Variants in KIAA1671 observed in about 807,000 individuals in gnomAD.
KIAA1671 encodes uncharacterized protein KIAA1671.
KIAA1671 carries 52 observed loss-of-function variants against 131.2 expected under a neutral mutation model. The observed-to-expected ratio is 0.40, with a 90% CI of 0.32 to 0.50. The LOEUF (loss-of-function observed/expected upper bound fraction) is 0.50. KIAA1671 is among the 20% of genes least tolerant of loss of function. KIAA1671 has a pLI of 0.73. For missense variants in KIAA1671, 2,360 were observed against 2,364.2 expected (o/e 1.00, Z 0.04); for synonymous variants, 1,003 against 961.6 (o/e 1.04, Z -0.80).
At chr22:25,137,618 G>C (rs777097820) in intron 6 of KIAA1671, among the ~76,000 whole-genome samples, 2 of 152,236 alleles carry the variant, frequency 1.3e-5, no homozygotes, top group Non-Finnish European at 2.9e-5. Context: ...CCGATTGTTA[G>C]GTAAACTGGA....
chr22:25,188,447 G>GGTGTGTGTGTGTGTGTGTGTGT (rs59590267), intron 11 of KIAA1671, among the ~76,000 whole-genome samples: 1 of 137,890 alleles, frequency 7.3e-6, no homozygotes, highest in African/African-American at 2.7e-5. Flanking sequence ...GAGCCAATCG[G>GGTGTGTGTGTGTGTGTGTGTGT]GTGTGTGTGT....
intron 1 of KIAA1671, among the ~76,000 whole-genome samples, chr22:24,977,483 G>C (rs1054649857): frequency 1.3e-5 from 2 of 152,288 alleles, no homozygotes; most frequent in East Asian, 3.9e-4. Flanking sequence ...GCCAGGTCTG[G>C]CCTCATAGAG....
intron 6 of KIAA1671, among the ~76,000 whole-genome samples, chr22:25,107,776 C>T (rs1050152770): frequency 2.0e-5 from 3 of 151,804 alleles, no homozygotes; most frequent in Non-Finnish European, 4.4e-5. Context: ...TTTGGGAGGC[C>T]GAGGTGGGCG....
chr22:25,074,710 CATCT>C (rs997361614), intron 6 of KIAA1671, among the ~76,000 whole-genome samples: 1 of 151,976 alleles, frequency 6.6e-6, no homozygotes, highest in African/African-American at 2.4e-5. Context: ...GTATATTTAT[CATCT>C]ATCTGTCTGT....
intron 6 of KIAA1671, chr22:25,055,592 G>A (rs1363612235): frequency 6.7e-6 from 1 of 149,652 alleles, no homozygotes; most frequent in Non-Finnish European, 1.5e-5. Context: ...TTAAAAATTA[G>A]CCATGGTAGC....
chr22:25,073,600 A>G (rs1434313590), intron 6 of KIAA1671, among the ~76,000 whole-genome samples: 2 of 152,228 alleles, frequency 1.3e-5, no homozygotes, highest in Non-Finnish European at 2.9e-5. Flanking sequence ...AACTATAGTC[A>G]CTATGCTTCA....
In KIAA1671 at chr22:24,984,124, A is replaced by ATGTGGTTG. The variant is rs762535812; in HGVS notation, c.-208+31352_-208+31353insTGTGGTTG. Among the ~76,000 whole-genome samples the ATGTGGTTG allele has an allele frequency of 2.8e-3, 428 of 152,220 alleles. 1 individual carries two copies. The highest frequency in any genetic ancestry group is 4.8e-3 in the Non-Finnish European group (326 of 68,020). ...ATGCCTCTCAGGGGCTTAAGCAGGG[A>ATGTGGTTG]CATTATGTGGTTGCATTCCCTTTTG... On this transcript the variant is annotated intron_variant, in intron 1 of 12. Coordinates refer to ENST00000358431, the MANE Select transcript of KIAA1671 (RefSeq NM_001145206.2).
At chr22:24,991,626 T>TA (rs1158041973) in intron 1 of KIAA1671, among the ~76,000 whole-genome samples, 1 of 148,622 alleles carries the variant, frequency 6.7e-6, no homozygotes, top group East Asian at 2.0e-4. Flanking sequence ...CCGGCTAATT[T>TA]TTTTTTTTTT....
At chr22:25,113,422 A>C (rs1931485027) in intron 6 of KIAA1671, among the ~76,000 whole-genome samples, 1 of 152,200 alleles carries the variant, frequency 6.6e-6, no homozygotes. Flanking sequence ...TTATGGGAGC[A>C]CTTGAGGACA....
intron 1 of KIAA1671, among the ~76,000 whole-genome samples, chr22:24,992,552 C>T (rs184198912): frequency 6.6e-6 from 1 of 152,224 alleles, no homozygotes; most frequent in East Asian, 1.9e-4. Flanking sequence ...TGGTGGCTCA[C>T]TCCTGTAATC....
chr22:25,145,884 G>C (rs748012542), intron 6 of KIAA1671, among the ~76,000 whole-genome samples: 11 of 151,228 alleles, frequency 7.3e-5, no homozygotes, highest in Non-Finnish European at 1.5e-4. Context: ...AGGCTGCAGT[G>C]AGCTATGATC....
At position 25,185,024 on chromosome 22, in the gene KIAA1671, C is replaced by T. The variant is rs2146042308; in HGVS notation, c.5247C>T (p.Pro1749=). The T allele has an allele frequency of 1.3e-6, 2 of 1,551,702 alleles. No homozygotes were observed. Among genetic ancestry groups the T allele is most frequent in the South Asian group, 1.2e-5 (1 of 84,056 alleles). Residue 1749 remains proline, a synonymous_variant, in exon 11 of 13, where the codon CCC becomes CCT. Transcript: ENST00000358431. ...AGGTGGACAGTCCTGGCGAGACCCCCAGCTGGGCACCCCAACCCAAGAGCC... is the reference window on the plus strand; with the variant it reads ...AGGTGGACAGTCCTGGCGAGACCCCTAGCTGGGCACCCCAACCCAAGAGCC... ...RPEVDSPGET[P]SWAPQPKSPK...
At chr22:25,175,042 G>A (rs1933975557) in intron 8 of KIAA1671, 1 of 152,562 alleles carries the variant, frequency 6.6e-6, no homozygotes, top group South Asian at 2.1e-4. Flanking sequence ...ACAGTCCCTA[G>A]CACTCAGCTC....
chr22:25,003,194 A>C (rs1223063883), intron 1 of KIAA1671, among the ~76,000 whole-genome samples: 1 of 152,140 alleles, frequency 6.6e-6, no homozygotes, highest in Admixed American at 6.5e-5. Flanking sequence ...TCTGAGCCTC[A>C]ATTTCCTCAT....
At chr22:24,992,670 G>A (rs1923902643) in intron 1 of KIAA1671, among the ~76,000 whole-genome samples, 1 of 151,678 alleles carries the variant, frequency 6.6e-6, no homozygotes. Context: ...CAAAAATTAG[G>A]CGGGTGTGGT....
Position 25,019,684 on chromosome 22 carries a change from C to CA in KIAA1671, c.-207-5936dup, listed in dbSNP as rs113527162. ...TTTGCTATTGTCATGACCTTGAATA[C>CA]AAAAAAAAAAAAATCCCTTCTGCTT... On this transcript the variant is annotated intron_variant, in intron 1 of 12. Transcript: ENST00000358431. Among the ~76,000 whole-genome samples the CA allele has an allele frequency of 3.9e-3, 567 of 146,122 alleles. 6 individuals are homozygous for CA. Among genetic ancestry groups the CA allele is most frequent in the East Asian group, 7.8e-3 (39 of 5,012 alleles).
chr22:24,952,817 C>A lies in KIAA1671; in HGVS notation c.-208+45C>A. The A allele has an allele frequency of 6.6e-6, 1 of 152,412 alleles. No homozygotes were observed. Among genetic ancestry groups the A allele is most frequent in the South Asian group, 1.9e-4 (1 of 5,274 alleles). 9.4% of individuals were successfully genotyped at this position (152,412 alleles called of 1,614,324 possible). A position where few individuals can be genotyped will look rare whatever the true frequency, so the allele number is the denominator to read the frequency against. On this transcript the variant is annotated intron_variant, in intron 1 of 12. Coordinates refer to ENST00000358431, the MANE Select transcript of KIAA1671 (RefSeq NM_001145206.2). This position sits in a 1 kb window ranked among gnomAD's most constrained non-coding sequence, Gnocchi z 4.5. Reference sequence around the variant, plus strand: ...CGGGCAGTGGGGGCCGGCTGGCCGCCTCCTGTCCCCGGCCGACGAGGTAGC... The same window carrying A: ...CGGGCAGTGGGGGCCGGCTGGCCGCATCCTGTCCCCGGCCGACGAGGTAGC...
intron 6 of KIAA1671, among the ~76,000 whole-genome samples, chr22:25,146,913 T>C (rs1601355620): frequency 6.6e-6 from 1 of 152,276 alleles, no homozygotes; most frequent in Non-Finnish European, 1.5e-5. Context: ...CCTGCCCCTT[T>C]CATCTCCCCT....
At chr22:24,970,737 AAAAAC>A (rs1922562463) in intron 1 of KIAA1671, among the ~76,000 whole-genome samples, 1 of 151,418 alleles carries the variant, frequency 6.6e-6, no homozygotes, top group Non-Finnish European at 1.5e-5. Flanking sequence ...AGCTAAAAAA[AAAAAC>A]AAAACAAAAC....
Sources: gnomAD v4.1 joint callset for allele counts (sites outside exome capture counted in the v4.1 genomes callset) on GRCh38, gnomAD v4.1.1 for gene constraint, Gnocchi (gnomAD v3.1) non-coding constraint, MANE v1.5 for transcripts, NCBI Gene and HGNC (gene_info 2026-07-23, HGNC 2026-07-21) for gene names.